GRXCR2: variants seen among roughly 807,000 people sequenced by gnomAD.
The protein encoded by GRXCR2 is glutaredoxin domain-containing cysteine-rich protein 2.
Under a neutral mutation model 24.8 loss-of-function variants are expected in GRXCR2, and 23 were observed. That is an observed-to-expected ratio of 0.93 (90% CI 0.67 to 1.32). The LOEUF is 1.32. Among genes scored for constraint, GRXCR2 ranks in the 40% most tolerant of loss-of-function variants. GRXCR2 has a pLI of 0.00. For missense variants in GRXCR2, 315 were observed against 303.4 expected (o/e 1.04, Z -0.28); for synonymous variants, 130 against 116.1 (o/e 1.12, Z -0.77).
rs1581330792 is a variant in GRXCR2, at chr5:145,866,689, T to C, written c.376A>G (p.Thr126Ala). 1.2e-6 allele frequency: 2 copies of C among 1,613,254 alleles called. No homozygotes were observed. Among genetic ancestry groups the C allele is most frequent in the South Asian group, 2.2e-5 (2 of 91,064 alleles). ...IIDFGKIIIY[T>A]NNLKIIRTPM... ...GTTCGAATGATTTTCAGGTTATTAG[T>C]GTAGATGATTATCTTTCCAAAATCT... The change falls in exon 2 of 3, where the codon ACT (threonine) becomes GCT (alanine). Residue 126 changes from threonine to alanine, a missense_variant. Physicochemically the swap from Thr to Ala is moderately conservative, Grantham distance 58. Transcript: ENST00000377976.
intron 2 of GRXCR2, among the ~76,000 whole-genome samples, chr5:145,928,089 A>T (rs1389162401): frequency 2.2e-4 from 34 of 152,004 alleles, no homozygotes; most frequent in Admixed American, 7.9e-4. Context: ...AAAAGTGGGC[A>T]AAGGATATGA....
At chr5:145,884,375 C>T (rs562207331) in intron 2 of GRXCR2, among the ~76,000 whole-genome samples, 1 of 151,854 alleles carries the variant, frequency 6.6e-6, no homozygotes, top group Non-Finnish European at 1.5e-5. Context: ...AGTATATCAA[C>T]CTAGATTTCT....
intron 2 of GRXCR2, among the ~76,000 whole-genome samples, chr5:145,925,012 G>C (rs2149929749): frequency 6.6e-6 from 1 of 152,260 alleles, no homozygotes; most frequent in South Asian, 2.1e-4. Flanking sequence ...GCCTGATAAG[G>C]AGAAAATGGC....
intron 2 of GRXCR2, among the ~76,000 whole-genome samples, chr5:145,929,112 TAA>T (rs1410729190): frequency 3.3e-5 from 5 of 150,238 alleles, no homozygotes; most frequent in South Asian, 4.2e-4. Flanking sequence ...TCATATAACT[TAA>T]GTTTCAATAT....
At chr5:145,901,341 A>C (rs1757020354) in intron 2 of GRXCR2, among the ~76,000 whole-genome samples, 1 of 152,106 alleles carries the variant, frequency 6.6e-6, no homozygotes, top group African/African-American at 2.4e-5. Context: ...TTTCCATGTT[A>C]ATATATATAG....
intron 2 of GRXCR2, among the ~76,000 whole-genome samples, chr5:145,929,135 T>C (rs1381199696): frequency 1.3e-5 from 2 of 149,192 alleles, no homozygotes; most frequent in African/African-American, 4.9e-5. Context: ...TAATTGTGAA[T>C]GATCCTTCAC....
intron 2 of GRXCR2, among the ~76,000 whole-genome samples, chr5:145,889,172 A>AAAAAAAAGAAAGAAAGAAAG (rs757883920): frequency 1.1e-4 from 9 of 84,046 alleles, no homozygotes; most frequent in African/African-American, 4.2e-4. Flanking sequence ...CTGTCTCAAA[A>AAAAAAAAGAAAGAAAGAAAG]AAAGAAAGAA....
chr5:145,862,898 G>T, intron 2 of GRXCR2, among the ~76,000 whole-genome samples: 1 of 152,166 alleles, frequency 6.6e-6, no homozygotes, highest in East Asian at 1.9e-4. Flanking sequence ...GTTGCATGGA[G>T]CATTGGTCAT....
intron 2 of GRXCR2, among the ~76,000 whole-genome samples, chr5:145,885,519 A>C (rs1018034553): frequency 3.9e-5 from 6 of 152,190 alleles, no homozygotes; most frequent in Non-Finnish European, 5.9e-5. Context: ...TCTGCTTAGA[A>C]AGTAAGATAT....
intron 2 of GRXCR2, among the ~76,000 whole-genome samples, chr5:145,893,252 A>T (rs1194246619): frequency 6.6e-6 from 1 of 152,224 alleles, no homozygotes; most frequent in East Asian, 1.9e-4. Context: ...AGCTAACATC[A>T]TAATGACAGG....
At chr5:145,877,060 T>A (rs368144280), upstream of GRXCR2, among the ~76,000 whole-genome samples, 448 of 152,176 alleles carry the variant, frequency 2.9e-3, 2 homozygotes, top group African/African-American at 0.011. Context: ...TGTCTTACTT[T>A]GATAAGCAAG....
upstream of GRXCR2, among the ~76,000 whole-genome samples, chr5:145,873,646 A>G (rs1181144020): frequency 4.6e-5 from 7 of 152,202 alleles, no homozygotes; most frequent in Admixed American, 3.9e-4. Flanking sequence ...GACGTCCTAG[A>G]TACAGTGGAG....
chr5:145,904,199 AG>A (rs538417420), intron 2 of GRXCR2, among the ~76,000 whole-genome samples: 3 of 152,208 alleles, frequency 2.0e-5, no homozygotes, highest in Admixed American at 2.0e-4. Context: ...ATCCCACCCC[AG>A]GGCAGACACT....
intron 2 of GRXCR2, among the ~76,000 whole-genome samples, chr5:145,917,553 G>A (rs1289324437): frequency 2.0e-5 from 3 of 152,090 alleles, no homozygotes; most frequent in Admixed American, 6.5e-5. Flanking sequence ...AGAAGAGAAT[G>A]CAGACCTTCA....
chr5:145,868,975 G>T (rs1756479180), intron 1 of GRXCR2, among the ~76,000 whole-genome samples: 1 of 152,224 alleles, frequency 6.6e-6, no homozygotes, highest in South Asian at 2.1e-4. Context: ...AAAAAGCCAA[G>T]AATTTTTCAT....
At position 145,884,489 on chromosome 5, in the gene GRXCR2, A is replaced by C. The variant is rs538368351; in HGVS notation, c.-69-17761T>G. On this transcript the variant is annotated intron_variant, in intron 2 of 3. Coordinates refer to the GRXCR2 transcript ENST00000639411. ...ATAATGTTATGTAATTATATGGGAG[A>C]CTGTCCTTTTGTAGGACATACATGC... Among the ~76,000 whole-genome samples the C allele has an allele frequency of 2.6e-5, 4 of 152,266 alleles. No individual in the cohort carries two copies. The South Asian group carries it at 8.3e-4, about 32-fold the overall frequency.
At chr5:145,891,143 C>T (rs1257658386) in intron 2 of GRXCR2, among the ~76,000 whole-genome samples, 1 of 152,080 alleles carries the variant, frequency 6.6e-6, no homozygotes, top group Non-Finnish European at 1.5e-5. Flanking sequence ...TATGAAAAGA[C>T]TTAAGGGGGA....
intron 2 of GRXCR2, among the ~76,000 whole-genome samples, chr5:145,891,628 C>T (rs920701921): frequency 4.6e-5 from 7 of 152,142 alleles, no homozygotes; most frequent in Admixed American, 2.6e-4. Flanking sequence ...GTAAACAAAG[C>T]GGCCAGGAAG....
At chr5:145,877,637 A>C (rs555125620), upstream of GRXCR2, among the ~76,000 whole-genome samples, 3 of 152,310 alleles carry the variant, frequency 2.0e-5, no homozygotes, top group East Asian at 5.8e-4. Context: ...GCAGCTCCCA[A>C]AGTGATCAAC....
Sources: gnomAD v4.1 joint callset for allele counts (sites outside exome capture counted in the v4.1 genomes callset) on GRCh38, gnomAD v4.1.1 for gene constraint, MANE v1.5 for transcripts, NCBI Gene and HGNC (gene_info 2026-07-23, HGNC 2026-07-21) for gene names.